LRP1B: variants seen among roughly 807,000 people sequenced by gnomAD.
LRP1B encodes LDL receptor related protein 1B.
In LRP1B, 217 loss-of-function variants were observed where a neutral mutation model predicts 556.6. The ratio of observed to expected loss-of-function variants is 0.39; its 90% confidence interval spans 0.35 to 0.44. The LOEUF is 0.44. LRP1B is among the 20% of genes least tolerant of loss of function. The pLI is 1.00. For synonymous variants in LRP1B, 2,047 were observed against 1,865.8 expected, an observed-to-expected ratio of 1.10 and a Z score of -2.50; for missense variants, 5,053 against 5,620.8, an observed-to-expected ratio of 0.90 and a Z score of 3.23.
intron 1 of LRP1B, among the ~76,000 whole-genome samples, chr2:141,994,904 C>T (rs954832129): frequency 2.6e-5 from 4 of 152,032 alleles, no homozygotes; most frequent in Non-Finnish European, 4.4e-5. Flanking sequence ...GCCTTTTTCA[C>T]GCTCCTACCT....
At chr2:141,829,074 C>T (rs1030602731) in intron 1 of LRP1B, among the ~76,000 whole-genome samples, 3 of 151,798 alleles carry the variant, frequency 2.0e-5, no homozygotes, top group South Asian at 2.1e-4. Flanking sequence ...TACTATCAAG[C>T]GAGAGTAAGA....
At chr2:141,108,334 CTTTT>C (rs60275697) in intron 7 of LRP1B, among the ~76,000 whole-genome samples, 15 of 88,520 alleles carry the variant, frequency 1.7e-4, no homozygotes, top group Non-Finnish European at 1.7e-4. Context: ...TAATCTGTTT[CTTTT>C]TTTTTTTTTT....
At chr2:142,097,914 C>T (rs1706432883) in intron 1 of LRP1B, among the ~76,000 whole-genome samples, 1 of 151,548 alleles carries the variant, frequency 6.6e-6, no homozygotes, top group African/African-American at 2.4e-5. Flanking sequence ...CCTTTACAAT[C>T]GTGTCATGAG....
intron 80 of LRP1B, among the ~76,000 whole-genome samples, chr2:140,325,209 C>T (rs1002126415): frequency 6.6e-6 from 1 of 151,846 alleles, no homozygotes; most frequent in Non-Finnish European, 1.5e-5. Flanking sequence ...AAATATGAGA[C>T]AGTAAAAAAT....
At chr2:140,564,001 A>C (rs1215085492) in intron 43 of LRP1B, among the ~76,000 whole-genome samples, 2 of 152,150 alleles carry the variant, frequency 1.3e-5, no homozygotes, top group African/African-American at 4.8e-5. Flanking sequence ...GGTAACAAGG[A>C]GATAACACTC....
At chr2:141,108,735 A>T (rs1032772973) in intron 7 of LRP1B, among the ~76,000 whole-genome samples, 2 of 152,194 alleles carry the variant, frequency 1.3e-5, no homozygotes, top group Non-Finnish European at 2.9e-5. Context: ...AAATGTTAGA[A>T]AAATACTAAA....
intron 31 of LRP1B, among the ~76,000 whole-genome samples, chr2:140,816,681 C>T (rs969777883): frequency 2.0e-5 from 3 of 151,848 alleles, no homozygotes; most frequent in Admixed American, 6.6e-5. Flanking sequence ...TTAGCTTAAC[C>T]CTTAAATGTT....
At position 141,348,196 on chromosome 2, in the gene LRP1B, G is replaced by T. The variant is rs536273924; in HGVS notation, c.344-93555C>A. ...CTTTTCCCGTTGTGTGGGTAAAAGG[G>T]AAATTTAGTGACAAATATGTACCTG... On this transcript the variant is annotated intron_variant, in intron 3 of 90. Transcript: ENST00000389484. 2.6e-5 allele frequency among the ~76,000 whole-genome samples: 4 copies of T among 152,004 alleles called. No homozygotes were observed. The East Asian group carries it at 7.7e-4, about 29-fold the overall frequency.
At chr2:140,427,108 A>G (rs941647704) in intron 66 of LRP1B, among the ~76,000 whole-genome samples, 1 of 152,090 alleles carries the variant, frequency 6.6e-6, no homozygotes, top group Non-Finnish European at 1.5e-5. Context: ...TTATCCGTGG[A>G]CCCAAAACTC....
chr2:140,247,533 C>A (rs993184824), intron 86 of LRP1B, among the ~76,000 whole-genome samples: 1 of 151,560 alleles, frequency 6.6e-6, no homozygotes, highest in Non-Finnish European at 1.5e-5. Flanking sequence ...GCAAATCCTT[C>A]TGTAAGTATC....
At chr2:140,364,597 A>G (rs1398098443) in intron 72 of LRP1B, 64 bp downstream of exon 72, 1 of 1,577,304 alleles carries the variant, frequency 6.3e-7, no homozygotes, top group Non-Finnish European at 8.6e-7. Flanking sequence ...CACTTCATTG[A>G]TTCATGCTGG....
chr2:140,590,844 A>AT (rs1214575243), intron 43 of LRP1B, among the ~76,000 whole-genome samples: 1 of 152,178 alleles, frequency 6.6e-6, no homozygotes, highest in Non-Finnish European at 1.5e-5. Context: ...ATTTTTATAC[A>AT]TCTAGCCTGA....
At chr2:140,963,115 G>GC (rs942225331) in intron 18 of LRP1B, among the ~76,000 whole-genome samples, 37 of 152,170 alleles carry the variant, frequency 2.4e-4, no homozygotes, top group African/African-American at 8.9e-4. Context: ...TATAGCTTCT[G>GC]TTTTTAAAAC....
At chr2:141,126,764 C>T (rs937789225) in intron 7 of LRP1B, among the ~76,000 whole-genome samples, 1 of 152,086 alleles carries the variant, frequency 6.6e-6, no homozygotes, top group African/African-American at 2.4e-5. Context: ...TTAAAGAATC[C>T]CATTCTATGA....
intron 41 of LRP1B, among the ~76,000 whole-genome samples, chr2:140,619,387 T>C (rs1372252): frequency 0.26 from 38,958 of 152,020 alleles, 5,184 homozygotes; most frequent in East Asian, 0.3. Flanking sequence ...TATATGTATA[T>C]ACTTTTTTAA....
intron 7 of LRP1B, among the ~76,000 whole-genome samples, chr2:141,074,440 T>C (rs1389844147): frequency 6.6e-6 from 1 of 151,822 alleles, no homozygotes; most frequent in Admixed American, 6.6e-5. Context: ...CAAACACATA[T>C]AAAGTTGTTT....
At chr2:141,134,337 A>C (rs773706911) in intron 7 of LRP1B, among the ~76,000 whole-genome samples, 1 of 151,740 alleles carries the variant, frequency 6.6e-6, no homozygotes, top group Non-Finnish European at 1.5e-5. Flanking sequence ...GTATTTTCCC[A>C]TCTAAAAGTC....
At position 140,860,340 on chromosome 2, in the gene LRP1B, TTCTC is replaced by T. The variant is rs533187088; in HGVS notation, c.4579+7246_4579+7249del. On this transcript the variant is annotated intron_variant, in intron 27 of 90. Transcript: ENST00000389484. ...GAGAAACCTCTCAATGTCTTACTCA[TTCTC>T]TCTTTTTCTGGGTTTTGATTCTTTT... Among the ~76,000 whole-genome samples the T allele has an allele frequency of 1.2e-3, 182 of 152,326 alleles. 1 individual carries two copies. Among genetic ancestry groups the T allele is most frequent in the Non-Finnish European group, 2.1e-3 (144 of 68,026 alleles).
chr2:141,883,040 G>T (rs1261002179), intron 1 of LRP1B, among the ~76,000 whole-genome samples: 1 of 152,100 alleles, frequency 6.6e-6, no homozygotes, highest in Non-Finnish European at 1.5e-5. Context: ...GAAAATAGAT[G>T]ATATATTTCC....
Sources: allele counts gnomAD v4.1 joint callset (sites outside exome capture counted in the v4.1 genomes callset), GRCh38; gene constraint gnomAD v4.1.1; transcripts MANE v1.5; gene names NCBI Gene and HGNC (gene_info 2026-07-23, HGNC 2026-07-21).